The following RAB3B variants were observed in gnomAD, a reference collection of about 807,000 sequenced individuals.
RAB3B encodes the protein ras-related protein Rab-3B.
Under a neutral mutation model 20.5 loss-of-function variants are expected in RAB3B, and 11 were observed. The ratio of observed to expected loss-of-function variants is 0.54; its 90% CI spans 0.34 to 0.89. The LOEUF (loss-of-function observed/expected upper bound fraction) is 0.89. Ranked by LOEUF, RAB3B falls within the 40% of genes least tolerant of loss-of-function variation. The probability of loss-of-function intolerance (pLI) is 0.02; values close to 1 mark genes in which losing one functional copy is unlikely to be tolerated. For synonymous variants in RAB3B, 99 were observed against 106.3 expected (o/e 0.93, Z 0.42); for missense variants, 225 against 280.9 (o/e 0.80, Z 1.42).
Position 51,976,770 on chromosome 1 carries a change from C to T in RAB3B, c.228+120G>A, listed in dbSNP as rs573531002. 9 of 850,528 alleles carry T rather than the reference C, an allele frequency of 1.1e-5. No homozygotes were observed. In the African/African-American group the frequency reaches 1.5e-4, roughly 14 times the overall value. The allele number at this position is 850,528 out of a possible 1,614,324, so 52.7% of individuals were successfully genotyped here. ...GGTAGCCCAGGGGCCACACCTGAAA[C>T]AGCATTAATGCCTGATGCTGTAAGG... On this transcript the variant is annotated intron_variant, in intron 2 of 4. Transcript: ENST00000371655.
chr1:51,964,990 T>C (rs1178500803), intron 2 of RAB3B, among the ~76,000 whole-genome samples: 2 of 152,160 alleles, frequency 1.3e-5, no homozygotes, highest in African/African-American at 4.8e-5. Flanking sequence ...TCCCAACACT[T>C]TGGGAGGCCA....
chr1:51,979,106 C>T (rs1685048920), intron 1 of RAB3B, among the ~76,000 whole-genome samples: 1 of 152,036 alleles, frequency 6.6e-6, no homozygotes, highest in African/African-American at 2.4e-5. Context: ...ATGCCCAGGA[C>T]ACTTGGAGAC....
rs1169573785 is a variant in RAB3B, at chr1:51,917,523, G to T, written c.*2404C>A. 1 of 151,854 alleles carries T rather than the reference G, an allele frequency of 6.6e-6. No homozygotes were observed. The highest frequency in any genetic ancestry group is 6.6e-5 in the Admixed American group (1 of 15,234). 9.4% of individuals were successfully genotyped at this position (151,854 alleles called of 1,614,324 possible). On this transcript the variant is annotated 3_prime_UTR_variant, in exon 5 of 5. Coordinates refer to ENST00000371655, the MANE Select transcript of RAB3B (RefSeq NM_002867.4). Reference sequence around the variant, plus strand: ...TTGCATCAAAGAAAGCAACATCTTTGTAGAGCTGACTCCTTTAAAAAAAAA... The same window carrying T: ...TTGCATCAAAGAAAGCAACATCTTTTTAGAGCTGACTCCTTTAAAAAAAAA...
intron 2 of RAB3B, among the ~76,000 whole-genome samples, chr1:51,943,868 A>G (rs1171338250): frequency 6.6e-6 from 1 of 152,266 alleles, no homozygotes; most frequent in African/African-American, 2.4e-5. Flanking sequence ...AGCTATTTTC[A>G]TAACCTAAAA....
intron 2 of RAB3B, among the ~76,000 whole-genome samples, chr1:51,939,737 G>A (rs1204663359): frequency 6.6e-6 from 1 of 152,060 alleles, no homozygotes; most frequent in African/African-American, 2.4e-5. Context: ...ACCATGCCTG[G>A]CTAATTTTTT....
intron 1 of RAB3B, chr1:51,980,539 T>C: frequency 1.3e-6 from 1 of 743,310 alleles, no homozygotes; most frequent in East Asian, 2.5e-5. Context: ...GCCTATTCAC[T>C]GGATGAACTG....
At chr1:51,933,552 T>C in intron 3 of RAB3B, 110 bp from the exon 4 acceptor site, 1 of 1,023,112 alleles carries the variant, frequency 9.8e-7, no homozygotes, top group Non-Finnish European at 1.4e-6. Flanking sequence ...TAATGGTATT[T>C]GGAGGTGGAG....
intron 2 of RAB3B, among the ~76,000 whole-genome samples, chr1:51,960,875 T>C (rs1684775695): frequency 6.6e-6 from 1 of 152,204 alleles, no homozygotes; most frequent in Admixed American, 6.5e-5. Context: ...GAGCTAATCC[T>C]GGCTCTCCCC....
At chr1:51,956,988 A>G (rs1684715898) in intron 2 of RAB3B, among the ~76,000 whole-genome samples, 1 of 152,258 alleles carries the variant, frequency 6.6e-6, no homozygotes, top group African/African-American at 2.4e-5. Context: ...GAAACTGTGT[A>G]TATGAATTGC....
chr1:51,958,679 C>T (rs576107840), intron 2 of RAB3B, among the ~76,000 whole-genome samples: 29 of 151,390 alleles, frequency 1.9e-4, no homozygotes, highest in East Asian at 2.0e-4. Flanking sequence ...GCCGAGATTG[C>T]GCCATTGCAC....
chr1:51,984,263 TAAAAAAAAAAA>T (rs1166997647), intron 1 of RAB3B, among the ~76,000 whole-genome samples: 4 of 20,674 alleles, frequency 1.9e-4, no homozygotes, highest in African/African-American at 3.6e-4. Flanking sequence ...ACTCTCTAAT[TAAAAAAAAAAA>T]AAAAAAAAAA....
At chr1:51,950,303 CCTG>C (rs1245117551) in intron 2 of RAB3B, among the ~76,000 whole-genome samples, 1 of 152,316 alleles carries the variant, frequency 6.6e-6, no homozygotes, top group Admixed American at 6.5e-5. Flanking sequence ...TTGTCTGCCT[CCTG>C]CTGCTATCAA....
intron 2 of RAB3B, among the ~76,000 whole-genome samples, chr1:51,970,806 C>T (rs1684918770): frequency 6.6e-6 from 1 of 151,644 alleles, no homozygotes. Context: ...GAGAACAAGA[C>T]CACCCTGGCT....
At chr1:51,937,499 G>C in intron 2 of RAB3B, 87 bp from the exon 3 acceptor site, 1 of 892,104 alleles carries the variant, frequency 1.1e-6, no homozygotes, top group Non-Finnish European at 1.7e-6. Flanking sequence ...AATAACCCAA[G>C]ACATTTTTTT....
At chr1:51,959,496 A>G (rs144667464) in intron 2 of RAB3B, among the ~76,000 whole-genome samples, 1 of 152,260 alleles carries the variant, frequency 6.6e-6, no homozygotes, top group Non-Finnish European at 1.5e-5. Context: ...TGGCTGACAA[A>G]GCAAGACCCT....
rs1268202512 is a variant in RAB3B, at chr1:51,937,476, A to T, written c.229-64T>A. 13 of 1,159,534 alleles carry T rather than the reference A, an allele frequency of 1.1e-5. No homozygotes were observed. The Admixed American group carries it at 1.5e-4, about 13-fold the overall frequency. The allele number at this position is 1,159,534 out of a possible 1,614,324, so 71.8% of individuals were successfully genotyped here. A position where few individuals can be genotyped will look rare whatever the true frequency, so the allele number is the denominator to read the frequency against. The stretch of plus-strand genomic sequence containing the variant: ...CTGCTTTGGTTCCTAAAAAGTCCCC[A>T]GGACAATTAACTAATAACCCAAGAC... On this transcript the variant is annotated intron_variant, in intron 2 of 4. Coordinates refer to ENST00000371655, the MANE Select transcript of RAB3B (RefSeq NM_002867.4).
intron 2 of RAB3B, among the ~76,000 whole-genome samples, chr1:51,966,956 A>T (rs765633568): frequency 6.6e-6 from 1 of 152,166 alleles, no homozygotes; most frequent in African/African-American, 2.4e-5. Context: ...GTCAAGGGAC[A>T]TCACCATGAG....
At chr1:51,981,756 G>T (rs1442816135) in intron 1 of RAB3B, among the ~76,000 whole-genome samples, 1 of 152,132 alleles carries the variant, frequency 6.6e-6, no homozygotes, top group East Asian at 1.9e-4. Flanking sequence ...AATTCCTATT[G>T]CCTAGTGACA....
chr1:51,933,269 G>T, intron 4 of RAB3B, 49 bp downstream of exon 4: 1 of 1,592,886 alleles, frequency 6.3e-7, no homozygotes, highest in Non-Finnish European at 8.6e-7. Flanking sequence ...CCACTCTCAT[G>T]AGCATGTGTA....
Sources: gnomAD v4.1 joint callset for allele counts (sites outside exome capture counted in the v4.1 genomes callset) on GRCh38, gnomAD v4.1.1 for gene constraint, MANE v1.5 for transcripts, NCBI Gene and HGNC (gene_info 2026-07-23, HGNC 2026-07-21) for gene names.